Variants in GPHN observed in about 807,000 individuals in gnomAD.
GPHN encodes gephyrin.
In GPHN, 17 loss-of-function variants were observed where a neutral mutation model predicts 95.5. The observed-to-expected ratio is 0.18, with a 90% confidence interval of 0.12 to 0.27. The LOEUF (loss-of-function observed/expected upper bound fraction) is 0.27. Ranked by LOEUF, GPHN falls within the 10% of genes least tolerant of loss-of-function variation. The pLI, the probability that GPHN is intolerant of heterozygous loss-of-function variation, is 1.00. For synonymous variants in GPHN, 320 were observed against 322.5 expected, an observed-to-expected ratio of 0.99 and a Z score of 0.08; for missense variants, 660 against 978.1, an observed-to-expected ratio of 0.67 and a Z score of 4.34.
At chr14:67,298,811 C>A in the GPHN span, among the ~76,000 whole-genome samples, 1 of 152,188 alleles carries the variant, frequency 6.6e-6, no homozygotes, top group East Asian at 1.9e-4. Flanking sequence ...CTCCCACGGC[C>A]CTTTGCGATG....
At chr14:66,589,737 C>CT (rs2061563187) in intron 1 of GPHN, among the ~76,000 whole-genome samples, 2 of 152,208 alleles carry the variant, frequency 1.3e-5, no homozygotes, top group Admixed American at 1.3e-4. Flanking sequence ...TAGTGGGAGA[C>CT]TTTAACACCC....
At chr14:67,332,610 G>C in the GPHN span, among the ~76,000 whole-genome samples, 1 of 152,176 alleles carries the variant, frequency 6.6e-6, no homozygotes, top group Non-Finnish European at 1.5e-5. Flanking sequence ...AGATGCCAAA[G>C]CAAAGGTAAC....
At chr14:66,658,100 C>A (rs2153371365) in intron 1 of GPHN, among the ~76,000 whole-genome samples, 1 of 152,080 alleles carries the variant, frequency 6.6e-6, no homozygotes, top group South Asian at 2.1e-4. Context: ...ATTGATTCGA[C>A]CCTTTATGGA....
the GPHN span, among the ~76,000 whole-genome samples, chr14:67,191,640 GA>G: frequency 6.6e-6 from 1 of 152,160 alleles, no homozygotes. Context: ...CCGTATCTAA[GA>G]ATAGTAGTTC....
chr14:67,122,882 A>G (rs1308606903), intron 17 of GPHN, among the ~76,000 whole-genome samples: 16 of 152,200 alleles, frequency 1.1e-4, no homozygotes, highest in Non-Finnish European at 2.2e-4. Flanking sequence ...CACAATGACT[A>G]TAATTACTCA....
intron 2 of GPHN, among the ~76,000 whole-genome samples, chr14:66,690,011 CT>C (rs1334156252): frequency 1.3e-5 from 2 of 151,474 alleles, no homozygotes; most frequent in East Asian, 1.9e-4. Context: ...AACTTTTTGA[CT>C]TTTTTTATAT....
chr14:67,612,709 G>C, the GPHN span, among the ~76,000 whole-genome samples: 1 of 152,172 alleles, frequency 6.6e-6, no homozygotes, highest in African/African-American at 2.4e-5. Flanking sequence ...GGCCAAGGTG[G>C]GCAGATAACT....
chr14:67,448,677 A>G, the GPHN span, among the ~76,000 whole-genome samples: 1 of 152,058 alleles, frequency 6.6e-6, no homozygotes, highest in Non-Finnish European at 1.5e-5. Flanking sequence ...GACTACAGAC[A>G]ATAATGCTGC....
intron 1 of GPHN, among the ~76,000 whole-genome samples, chr14:66,509,750 C>CT (rs933596356): frequency 1.3e-4 from 20 of 151,988 alleles, no homozygotes; most frequent in Non-Finnish European, 2.5e-4. Flanking sequence ...TCCCTTACTT[C>CT]TTTTTTTAAT....
the GPHN span, among the ~76,000 whole-genome samples, chr14:67,404,836 ATTTC>A: frequency 1.3e-5 from 2 of 152,094 alleles, no homozygotes; most frequent in South Asian, 4.2e-4. Flanking sequence ...GTACATAAGT[ATTTC>A]TAATACTTAT....
chr14:66,693,515 T>A (rs956953119), intron 2 of GPHN, among the ~76,000 whole-genome samples: 48 of 152,192 alleles, frequency 3.2e-4, no homozygotes, highest in African/African-American at 1.2e-3. Context: ...GGCTGAGGAC[T>A]TTCCTGACTG....
At chr14:66,595,913 T>C (rs1330847645) in intron 1 of GPHN, among the ~76,000 whole-genome samples, 9 of 152,080 alleles carry the variant, frequency 5.9e-5, no homozygotes, top group African/African-American at 1.9e-4. Context: ...GAAGAATGAG[T>C]TATGTGGACA....
chr14:66,685,296 T>C (rs2067270360), intron 2 of GPHN, among the ~76,000 whole-genome samples: 1 of 152,236 alleles, frequency 6.6e-6, no homozygotes, highest in Non-Finnish European at 1.5e-5. Context: ...ACATGGTATT[T>C]CTAGTTCTAG....
chr14:67,473,957 G>A, the GPHN span: 7 of 1,571,768 alleles, frequency 4.5e-6, no homozygotes, highest in African/African-American at 1.4e-5. The surrounding 1 kb of genome is among the most constrained non-coding windows in gnomAD (Gnocchi z 6.5). Flanking sequence ...GGGGGCGCAA[G>A]AGAGACAGGT....
At chr14:67,735,292 C>T in the GPHN span, 1 of 871,076 alleles carries the variant, frequency 1.1e-6, no homozygotes, top group South Asian at 1.3e-5. Context: ...GCTCAGGCTA[C>T]ATCTCACCTC....
At chr14:67,595,427 T>C in the GPHN span, among the ~76,000 whole-genome samples, 1 of 152,212 alleles carries the variant, frequency 6.6e-6, no homozygotes, top group African/African-American at 2.4e-5. Flanking sequence ...TGCAAAATCA[T>C]AGACTGAACA....
chr14:67,067,269 GAACAGCAAATATTGCAT>G (rs1206226281), intron 11 of GPHN, among the ~76,000 whole-genome samples: 3 of 152,204 alleles, frequency 2.0e-5, no homozygotes, highest in South Asian at 2.1e-4. Flanking sequence ...AGAGGCTGCA[GAACAGCAAATATTGCAT>G]AACAGCAAAT....
the GPHN span, among the ~76,000 whole-genome samples, chr14:67,684,131 G>A: frequency 2.6e-5 from 4 of 151,784 alleles, no homozygotes; most frequent in South Asian, 2.1e-4. Context: ...AGTTGCTAAA[G>A]CACAGACCAG....
intron 11 of GPHN, among the ~76,000 whole-genome samples, chr14:67,070,715 A>ATAT (rs1555482657): frequency 1.7e-3 from 137 of 80,662 alleles, no homozygotes; most frequent in African/African-American, 6.2e-3. Flanking sequence ...AAAAAAAAAA[A>ATAT]ATATATATAT....
Sources: gnomAD v4.1 joint callset for allele counts (sites outside exome capture counted in the v4.1 genomes callset) on GRCh38, gnomAD v4.1.1 for gene constraint, Gnocchi (gnomAD v3.1) non-coding constraint, MANE v1.5 for transcripts, NCBI Gene and HGNC (gene_info 2026-07-23, HGNC 2026-07-21) for gene names.